Variants in TRAM2 observed in about 807,000 individuals in gnomAD.
The protein encoded by TRAM2 is translocating chain-associated membrane protein 2.
Under a neutral mutation model 51.0 loss-of-function variants are expected in TRAM2, and 12 were observed. The ratio of observed to expected loss-of-function variants is 0.24; its 90% CI spans 0.15 to 0.38. The LOEUF (loss-of-function observed/expected upper bound fraction) is 0.38. Among genes scored for constraint, TRAM2 ranks in the 10% least tolerant of loss-of-function variants. The pLI is 1.00. For synonymous variants in TRAM2, 175 were observed against 179.4 expected, an observed-to-expected ratio of 0.98 and a Z score of 0.20; for missense variants, 361 against 462.0, an observed-to-expected ratio of 0.78 and a Z score of 2.00.
Position 52,576,892 on chromosome 6 carries a change from T to C in TRAM2, c.24A>G (p.Lys8=), listed in dbSNP as rs569220234. 2.5e-6 allele frequency: 4 copies of C among 1,613,126 alleles called. No homozygotes were observed. The African/African-American group carries it at 4.0e-5, about 16-fold the overall frequency. The change falls in exon 1 of 11, where the codon AAA becomes AAG. Residue 8 remains lysine (K), a synonymous_variant. Transcript: ENST00000182527. MAFRRRT[K]SYPLFSQEFV... ...ACTCCTGGCTGAAGAGCGGGTAACT[T>C]TTCGTCCTCCTGCGGAAAGCCATGG...
intron 2 of TRAM2, among the ~76,000 whole-genome samples, chr6:52,527,377 C>CA (rs11293279): frequency 6.2e-4 from 83 of 133,746 alleles, no homozygotes; most frequent in African/African-American, 9.3e-4. Context: ...GACTCTATCT[C>CA]AAAAAAAAAA....
chr6:52,524,591 A>T (rs1766739123), intron 2 of TRAM2: 1 of 152,136 alleles, frequency 6.6e-6, no homozygotes, highest in African/African-American at 2.4e-5. Context: ...GGTACAAAAA[A>T]CCTTGACCTA....
chr6:52,548,163 C>T (rs2114095199), intron 1 of TRAM2, among the ~76,000 whole-genome samples: 1 of 152,346 alleles, frequency 6.6e-6, no homozygotes, highest in Middle Eastern at 3.4e-3. Context: ...AGGCACAATG[C>T]TACTGGAGAT....
chr6:52,517,229 C>T (rs1378896466), intron 2 of TRAM2: 1 of 153,616 alleles, frequency 6.5e-6, no homozygotes, highest in African/African-American at 2.4e-5. Context: ...TCCTATGTGA[C>T]CCAGGGGTAT....
chr6:52,506,732 A>C (rs571656266), intron 7 of TRAM2, among the ~76,000 whole-genome samples: 1 of 152,176 alleles, frequency 6.6e-6, no homozygotes, highest in African/African-American at 2.4e-5. Flanking sequence ...TTCAGCCCTC[A>C]AAGACCCATC....
At chr6:52,508,407 T>A (rs1766389337) in intron 5 of TRAM2, 89 bp from the exon 6 acceptor site, 1 of 1,272,652 alleles carries the variant, frequency 7.9e-7, no homozygotes, top group Non-Finnish European at 1.1e-6. Context: ...AAGCATGGGC[T>A]GAGACTCTGC....
chr6:52,535,158 T>G (rs924790260), intron 2 of TRAM2, among the ~76,000 whole-genome samples: 1 of 152,188 alleles, frequency 6.6e-6, no homozygotes, highest in Admixed American at 6.5e-5. Context: ...GAAGCCATGC[T>G]CTGGAGAACA....
At chr6:52,542,394 A>G (rs1767119052) in intron 1 of TRAM2, among the ~76,000 whole-genome samples, 1 of 151,636 alleles carries the variant, frequency 6.6e-6, no homozygotes, top group Non-Finnish European at 1.5e-5. Flanking sequence ...CAGCCCCTCC[A>G]CTGCTCGATA....
chr6:52,559,305 G>T (rs956680210), intron 1 of TRAM2, among the ~76,000 whole-genome samples: 2 of 152,142 alleles, frequency 1.3e-5, no homozygotes, highest in Non-Finnish European at 2.9e-5. Flanking sequence ...TCAGATCCTG[G>T]CTCACCAATT....
chr6:52,526,336 TAAAA>T (rs1195260753), intron 2 of TRAM2, among the ~76,000 whole-genome samples: 1 of 152,158 alleles, frequency 6.6e-6, no homozygotes, highest in Admixed American at 6.5e-5. Flanking sequence ...TTCCATGACA[TAAAA>T]CAATGTAGCA....
chr6:52,528,876 G>A (rs1004114693), intron 2 of TRAM2, among the ~76,000 whole-genome samples: 2 of 148,300 alleles, frequency 1.3e-5, no homozygotes, highest in Admixed American at 1.4e-4. Flanking sequence ...CCTTACAAAC[G>A]TGTACATGAC....
chr6:52,559,976 C>T (rs1295238296), intron 1 of TRAM2, among the ~76,000 whole-genome samples: 2 of 152,102 alleles, frequency 1.3e-5, no homozygotes, highest in African/African-American at 2.4e-5. Context: ...TGCGGTGGCT[C>T]ATGCCTGTAA....
chr6:52,514,760 T>C (rs941173385), intron 4 of TRAM2, among the ~76,000 whole-genome samples: 9 of 152,200 alleles, frequency 5.9e-5, no homozygotes, highest in African/African-American at 1.9e-4. Flanking sequence ...GCTGTTCTGC[T>C]TCAAAGCAGC....
chr6:52,567,670 C>T (rs1404665627), intron 1 of TRAM2, among the ~76,000 whole-genome samples: 3 of 152,222 alleles, frequency 2.0e-5, no homozygotes, highest in Non-Finnish European at 4.4e-5. Flanking sequence ...CATATTGCCA[C>T]AGATTTAGTT....
intron 1 of TRAM2, among the ~76,000 whole-genome samples, chr6:52,558,837 G>A (rs1449272832): frequency 1.1e-4 from 16 of 152,160 alleles, no homozygotes; most frequent in African/African-American, 3.6e-4. Context: ...TCAGAAAAAT[G>A]TGTCAGTGGC....
intron 1 of TRAM2, among the ~76,000 whole-genome samples, chr6:52,541,290 G>A (rs762331384): frequency 3.3e-5 from 5 of 152,138 alleles, no homozygotes; most frequent in Non-Finnish European, 4.4e-5. Context: ...GAGTCCAAGG[G>A]CTTCACATAA....
At position 52,502,103 on chromosome 6, in the gene TRAM2, T is replaced by A. The variant is rs149387537; in HGVS notation, c.*1094A>T. On this transcript the variant is annotated 3_prime_UTR_variant, in exon 11 of 11. Coordinates refer to ENST00000182527, the MANE Select transcript of TRAM2 (RefSeq NM_012288.4). ...ACAAGGGCGGCCAGATGAACAGCGG[T>A]CCAAGTGACCCTCCCTGAACACCAA... 1 of 152,416 alleles carries A rather than the reference T, an allele frequency of 6.6e-6. No homozygotes were observed. Among genetic ancestry groups the A allele is most frequent in the Admixed American group, 6.5e-5 (1 of 15,298 alleles). 9.4% of individuals were successfully genotyped at this position (152,416 alleles called of 1,614,324 possible). A position where few individuals can be genotyped will look rare whatever the true frequency, so the allele number is the denominator to read the frequency against.
chr6:52,524,058 G>A (rs1766726685), intron 2 of TRAM2: 1 of 152,208 alleles, frequency 6.6e-6, no homozygotes, highest in African/African-American at 2.4e-5. Context: ...AAAAACATCA[G>A]AGAGAAATGA....
chr6:52,548,824 C>G, intron 1 of TRAM2, among the ~76,000 whole-genome samples: 1 of 152,204 alleles, frequency 6.6e-6, no homozygotes, highest in Non-Finnish European at 1.5e-5. Flanking sequence ...GTGGAAGCTC[C>G]TTTGCTTTCT....
Sources: gnomAD v4.1 joint callset for allele counts (sites outside exome capture counted in the v4.1 genomes callset) on GRCh38, gnomAD v4.1.1 for gene constraint, MANE v1.5 for transcripts, NCBI Gene and HGNC (gene_info 2026-07-23, HGNC 2026-07-21) for gene names.